The following BRD10 variants were observed in gnomAD, a reference collection of about 807,000 sequenced individuals.
The protein encoded by BRD10 is uncharacterized bromodomain-containing protein 10.
chr9:5,915,162 CCTTT>C, the BRD10 span, among the ~76,000 whole-genome samples: 562 of 152,028 alleles, frequency 3.7e-3, 6 homozygotes, highest in African/African-American at 0.013. Context: ...TTAAAAAATA[CCTTT>C]CTTTATCCTT....
At chr9:5,982,497 C>T in the BRD10 span, among the ~76,000 whole-genome samples, 3 of 152,102 alleles carry the variant, frequency 2.0e-5, no homozygotes, top group Non-Finnish European at 4.4e-5. Flanking sequence ...AATGAGGTAT[C>T]ATGGGAATGG....
At chr9:5,886,978 G>A in the BRD10 span, among the ~76,000 whole-genome samples, 1 of 152,194 alleles carries the variant, frequency 6.6e-6, no homozygotes, top group Non-Finnish European at 1.5e-5. Flanking sequence ...ACAAACAAGG[G>A]CCAGGTGCAG....
chr9:5,897,682 CT>C, the BRD10 span: 1 of 1,576,194 alleles, frequency 6.3e-7, no homozygotes, highest in Non-Finnish European at 8.7e-7. Context: ...GCTGAAATCC[CT>C]CCAAGTCCAG....
the BRD10 span, chr9:5,969,491 TAA>T: frequency 8.4e-7 from 1 of 1,188,916 alleles, no homozygotes; most frequent in East Asian, 2.6e-5. Flanking sequence ...CATAAAATGA[TAA>T]ATTTTAAGTA....
chr9:5,919,945 T>C, the BRD10 span: 2 of 1,613,982 alleles, frequency 1.2e-6, no homozygotes, highest in East Asian at 4.5e-5. Flanking sequence ...AAACCAAAGA[T>C]GTCTTAGCCA....
chr9:5,927,429 A>T, the BRD10 span, among the ~76,000 whole-genome samples: 1 of 152,110 alleles, frequency 6.6e-6, no homozygotes, highest in Non-Finnish European at 1.5e-5. Flanking sequence ...CACAAACGAC[A>T]ACAACAAAAC....
the BRD10 span, among the ~76,000 whole-genome samples, chr9:5,925,288 G>A: frequency 7.3e-5 from 11 of 150,988 alleles, no homozygotes; most frequent in East Asian, 1.6e-3. Context: ...GAACCCAGGA[G>A]GTGGAGGTTG....
chr9:5,958,499 G>A, the BRD10 span, among the ~76,000 whole-genome samples: 8 of 152,054 alleles, frequency 5.3e-5, no homozygotes, highest in African/African-American at 1.9e-4. Flanking sequence ...GCCAAGTGTG[G>A]TGGTGCATGC....
chr9:5,890,703 C>G, the BRD10 span: 1 of 152,126 alleles, frequency 6.6e-6, no homozygotes, highest in Non-Finnish European at 1.5e-5. Flanking sequence ...GGATAGAGCA[C>G]TGGGACTGGG....
the BRD10 span, among the ~76,000 whole-genome samples, chr9:6,000,525 T>A: frequency 1.3e-5 from 2 of 152,066 alleles, no homozygotes; most frequent in African/African-American, 4.8e-5. Flanking sequence ...TTCTGGGAAA[T>A]AAAAATAAAT....
the BRD10 span, chr9:5,953,981 A>G: frequency 7.5e-7 from 1 of 1,336,198 alleles, no homozygotes; most frequent in Non-Finnish European, 1.0e-6. Flanking sequence ...GAAACAAAAA[A>G]TTGAAAAATT....
At chr9:5,966,635 T>C in the BRD10 span, among the ~76,000 whole-genome samples, 1 of 151,784 alleles carries the variant, frequency 6.6e-6, no homozygotes, top group Non-Finnish European at 1.5e-5. Context: ...AATTTTTGTA[T>C]TTCTATTAGA....
At chr9:5,944,297 T>C in the BRD10 span, among the ~76,000 whole-genome samples, 1 of 152,008 alleles carries the variant, frequency 6.6e-6, no homozygotes, top group Non-Finnish European at 1.5e-5. Context: ...AATAAATATA[T>C]GCCCTTAAAC....
chr9:5,968,274 C>G, the BRD10 span: 2 of 1,612,280 alleles, frequency 1.2e-6, no homozygotes, highest in Non-Finnish European at 1.7e-6. Context: ...CAGTTAATTT[C>G]TGGATGATCA....
chr9:5,924,672 T>C, the BRD10 span: 3 of 1,504,198 alleles, frequency 2.0e-6, no homozygotes, highest in Non-Finnish European at 2.7e-6. Flanking sequence ...ATCAAAGTGA[T>C]CTTTCTCCAG....
chr9:5,915,635 A>G, the BRD10 span, among the ~76,000 whole-genome samples: 1 of 152,206 alleles, frequency 6.6e-6, no homozygotes, highest in Non-Finnish European at 1.5e-5. Flanking sequence ...GGGCCCAGTT[A>G]TAAACGTACT....
At chr9:5,934,705 A>G in the BRD10 span, among the ~76,000 whole-genome samples, 2 of 152,050 alleles carry the variant, frequency 1.3e-5, no homozygotes. Context: ...ACCTTTTAGA[A>G]AAGCTAAATG....
At chr9:5,934,156 T>TC in the BRD10 span, among the ~76,000 whole-genome samples, 21 of 151,204 alleles carry the variant, frequency 1.4e-4, 1 homozygote, top group East Asian at 2.3e-3. Flanking sequence ...ATTGTGGAGA[T>TC]AACATTTTTA....
the BRD10 span, among the ~76,000 whole-genome samples, chr9:5,949,754 CTTCCTGTAACT>C: frequency 6.6e-6 from 1 of 152,100 alleles, no homozygotes; most frequent in Non-Finnish European, 1.5e-5. Flanking sequence ...TTTAAAAATA[CTTCCTGTAACT>C]TTCTGTCATA....
Sources: allele counts gnomAD v4.1 joint callset (sites outside exome capture counted in the v4.1 genomes callset), GRCh38; gene constraint gnomAD v4.1.1; transcripts MANE v1.5; gene names NCBI Gene and HGNC (gene_info 2026-07-23, HGNC 2026-07-21).